IL7: variants seen among roughly 807,000 people sequenced by gnomAD.
IL7 encodes the protein interleukin 7.
Under a neutral mutation model 21.6 loss-of-function variants are expected in IL7, and 3 were observed. That is an observed-to-expected ratio of 0.14 (90% CI 0.06 to 0.36). The LOEUF is 0.36. IL7 is among the 10% of genes least tolerant of loss of function. The probability of loss-of-function intolerance (pLI) is 1.00; values close to 1 mark genes in which losing one functional copy is unlikely to be tolerated. For missense variants in IL7, 175 were observed against 200.2 expected, an observed-to-expected ratio of 0.87 and a Z score of 0.76; for synonymous variants, 62 against 68.1, an observed-to-expected ratio of 0.91 and a Z score of 0.44.
chr8:78,725,707 T>C (rs1020092991), intron 3 of IL7, among the ~76,000 whole-genome samples: 1 of 152,024 alleles, frequency 6.6e-6, no homozygotes, highest in South Asian at 2.1e-4. Flanking sequence ...ATCGTAGTGT[T>C]AGATAACCAC....
At chr8:78,747,372 A>G (rs1812016285) in intron 2 of IL7, among the ~76,000 whole-genome samples, 1 of 151,870 alleles carries the variant, frequency 6.6e-6, no homozygotes, top group Non-Finnish European at 1.5e-5. Flanking sequence ...TTTAGTAGAC[A>G]CTGGGTTTCA....
At chr8:78,751,190 A>G (rs1032069522) in intron 2 of IL7, among the ~76,000 whole-genome samples, 1 of 152,078 alleles carries the variant, frequency 6.6e-6, no homozygotes, top group Admixed American at 6.5e-5. Flanking sequence ...AAAAAAGGAG[A>G]AGAGACAGAA....
chr8:78,759,008 GGT>G (rs894828750), intron 2 of IL7, among the ~76,000 whole-genome samples: 3 of 150,368 alleles, frequency 2.0e-5, no homozygotes, highest in Non-Finnish European at 3.0e-5. Context: ...TTTGCTTTAT[GGT>G]GTCCTATATG....
intron 2 of IL7, among the ~76,000 whole-genome samples, chr8:78,749,851 T>C (rs1427825827): frequency 6.6e-6 from 1 of 151,936 alleles, no homozygotes; most frequent in Non-Finnish European, 1.5e-5. Context: ...CTGGACAACA[T>C]AGTGAGATCC....
At chr8:78,735,394 C>A (rs1371262898) in intron 5 of IL7, among the ~76,000 whole-genome samples, 2 of 149,060 alleles carry the variant, frequency 1.3e-5, no homozygotes, top group Non-Finnish European at 3.0e-5. Flanking sequence ...CTCACTGCAA[C>A]CTCCACCTCC....
At chr8:78,716,481 GTTAT>G (rs1356172647), downstream of IL7, among the ~76,000 whole-genome samples, 2 of 151,962 alleles carry the variant, frequency 1.3e-5, no homozygotes, top group African/African-American at 4.8e-5. Context: ...ATAAGAGTTT[GTTAT>G]TTATTGCATC....
At chr8:78,792,986 T>C (rs760087417) in intron 2 of IL7, among the ~76,000 whole-genome samples, 1 of 152,088 alleles carries the variant, frequency 6.6e-6, no homozygotes, top group Admixed American at 6.6e-5. Flanking sequence ...TGTCCAGAAA[T>C]TGATGAATGG....
intron 2 of IL7, among the ~76,000 whole-genome samples, chr8:78,778,419 A>G (rs1011611331): frequency 6.6e-6 from 1 of 152,080 alleles, no homozygotes; most frequent in African/African-American, 2.4e-5. Flanking sequence ...TTCAGATTTG[A>G]GTTGACAGAT....
chr8:78,707,924 G>T (rs1810827809), intron 3 of IL7, among the ~76,000 whole-genome samples: 1 of 151,056 alleles, frequency 6.6e-6, no homozygotes, highest in Non-Finnish European at 1.5e-5. Flanking sequence ...CTCCATGATG[G>T]CAAAGACTAT....
At chr8:78,794,197 A>G (rs1342921339) in intron 2 of IL7, among the ~76,000 whole-genome samples, 1 of 152,124 alleles carries the variant, frequency 6.6e-6, no homozygotes, top group Non-Finnish European at 1.5e-5. Flanking sequence ...CTACAGAACA[A>G]TGAATGCTGT....
chr8:78,775,631 C>G (rs900833297), intron 2 of IL7, among the ~76,000 whole-genome samples: 1 of 152,088 alleles, frequency 6.6e-6, no homozygotes, highest in African/African-American at 2.4e-5. Flanking sequence ...GGACTCTGAC[C>G]AAAGCATTTC....
chr8:78,708,119 G>A (rs7010897), intron 3 of IL7, among the ~76,000 whole-genome samples: 104,266 of 152,072 alleles, frequency 0.69, 36,577 homozygotes, highest in East Asian at 0.91. Context: ...CTGTTATTTC[G>A]ATTTATACAG....
intron 3 of IL7, among the ~76,000 whole-genome samples, chr8:78,725,656 G>A (rs1272332079): frequency 6.6e-6 from 1 of 151,978 alleles, no homozygotes; most frequent in Admixed American, 6.6e-5. Context: ...TTACAGGAAA[G>A]AATATTCAAT....
intron 2 of IL7, chr8:78,760,615 G>A: frequency 1.9e-6 from 3 of 1,568,092 alleles, no homozygotes; most frequent in Non-Finnish European, 8.6e-7. Flanking sequence ...CCAGAGATAA[G>A]CATTTAAGAG....
intron 3 of IL7, among the ~76,000 whole-genome samples, chr8:78,698,030 T>C (rs966265047): frequency 5.3e-5 from 8 of 152,166 alleles, no homozygotes; most frequent in African/African-American, 1.7e-4. Context: ...GATGTTGTTA[T>C]TGATGTCATC....
Position 78,803,734 on chromosome 8 carries a change from A to C in IL7, c.10+1179T>G, listed in dbSNP as rs113916008. Among the ~76,000 whole-genome samples the C allele has an allele frequency of 5.1e-3, 778 of 152,316 alleles. 10 individuals carry two copies. The highest frequency in any genetic ancestry group is 0.018 in the African/African-American group (730 of 41,576). On this transcript the variant is annotated intron_variant, in intron 1 of 5. Coordinates refer to ENST00000263851, the MANE Select transcript of IL7 (RefSeq NM_000880.4). ...CTGCAGAACTATGGGCATTGCAAGG[A>C]AAATAGGGTTGTGCTCAATTTTTAG...
chr8:78,675,920 T>G, exon 5 of IL7: 1 of 1,439,892 alleles, frequency 6.9e-7, no homozygotes, highest in Admixed American at 1.8e-5. Flanking sequence ...TGTTCAATAA[T>G]TCTGGTCAAT....
intron 4 of IL7, among the ~76,000 whole-genome samples, chr8:78,685,119 C>T (rs1054688319): frequency 7.9e-5 from 12 of 151,800 alleles, no homozygotes; most frequent in African/African-American, 2.7e-4. Flanking sequence ...TAGTCAGAAC[C>T]GTGGAATGGA....
chr8:78,687,251 G>C (rs888592333), intron 3 of IL7, among the ~76,000 whole-genome samples: 1 of 151,780 alleles, frequency 6.6e-6, no homozygotes, highest in Non-Finnish European at 1.5e-5. Flanking sequence ...TAATGTAACA[G>C]GGTAGCCACA....
Sources: allele counts gnomAD v4.1 joint callset (sites outside exome capture counted in the v4.1 genomes callset), GRCh38; gene constraint gnomAD v4.1.1; transcripts MANE v1.5; gene names NCBI Gene and HGNC (gene_info 2026-07-23, HGNC 2026-07-21).